CEP170B: variants seen among roughly 807,000 people sequenced by gnomAD.
The protein encoded by CEP170B is centrosomal protein of 170 kDa protein B.
In CEP170B, 55 loss-of-function variants were observed where a neutral mutation model predicts 120.6. That is an observed-to-expected ratio of 0.46 (90% CI 0.37 to 0.57). The LOEUF (loss-of-function observed/expected upper bound fraction) is 0.57. Ranked by LOEUF, CEP170B falls within the 20% of genes least tolerant of loss-of-function variation. The pLI is 0.00. For missense variants in CEP170B, 2,212 were observed against 2,253.3 expected, an observed-to-expected ratio of 0.98 and a Z score of 0.37; for synonymous variants, 1,033 against 954.5, an observed-to-expected ratio of 1.08 and a Z score of -1.52.
rs942516141 is a variant in CEP170B at position 104,887,992 on chromosome 14, C to T, written c.3739+14C>T. The T allele has an allele frequency of 2.2e-5, 32 of 1,471,146 alleles. No individual in the cohort carries two copies. The highest frequency in any genetic ancestry group is 1.9e-4 in the Middle Eastern group (1 of 5,260). 91.1% of individuals were successfully genotyped at this position (1,471,146 alleles called of 1,614,324 possible). A position where few individuals can be genotyped will look rare whatever the true frequency, so the allele number is the denominator to read the frequency against. The stretch of plus-strand genomic sequence containing the variant: ...GATACACCTCCAGTGAGTGCCAGGG[C>T]GGGTGGGAGGCCAGGGCCAAGACAG... On this transcript the variant is annotated intron_variant, in intron 12 of 18. Transcript: ENST00000414716.
In CEP170B at chr14:104,883,198, G is replaced by A; in HGVS notation, c.741G>A (p.Met247Ile). Reference protein sequence around the residue: ...SQPPEVPAHEMPTKDAEAGGG... With the variant: ...SQPPEVPAHEIPTKDAEAGGG... ...CCCCCGAGGTGCCGGCACACGAGATGCCCACGAAGGATGCAGAGGCAGGTG... is the reference window on the plus strand; with the variant it reads ...CCCCCGAGGTGCCGGCACACGAGATACCCACGAAGGATGCAGAGGCAGGTG... Residue 247 changes from methionine (M) to isoleucine (I), a missense_variant, in exon 8 of 19, where the codon ATG becomes ATA. Met to Ile is a conservative substitution (Grantham distance 10, BLOSUM62 1). This residue lies in a region of CEP170B where 2,166 missense variants were observed against 2,166.7 expected (regional missense o/e 1.00). Coordinates refer to ENST00000414716, the MANE Select transcript of CEP170B (RefSeq NM_001112726.3). 1.2e-6 allele frequency: 2 copies of A among 1,610,750 alleles called. No individual in the cohort carries two copies. The highest frequency in any genetic ancestry group is 1.7e-6 in the Non-Finnish European group (2 of 1,179,304).
chr14:104,892,448 C>T (rs1826622313), intron 13 of CEP170B, among the ~76,000 whole-genome samples: 1 of 133,100 alleles, frequency 7.5e-6, no homozygotes, highest in Non-Finnish European at 1.6e-5. Context: ...TGGATCTGCC[C>T]AGCCCCACCC....
At chr14:104,876,699 A>G (rs974743643) in intron 3 of CEP170B, among the ~76,000 whole-genome samples, 6 of 152,174 alleles carry the variant, frequency 3.9e-5, no homozygotes, top group South Asian at 2.1e-4. Flanking sequence ...CAGGCCGCCA[A>G]GGATCAGGCT....
intron 6 of CEP170B, 77 bp from the exon 7 acceptor site, chr14:104,882,651 T>C: frequency 4.1e-6 from 5 of 1,228,042 alleles, no homozygotes; most frequent in Non-Finnish European, 3.4e-6. Context: ...GTCCAGCCTC[T>C]CCTGGGCTGC....
In CEP170B at chr14:104,887,369, C is replaced by T. The variant is rs374507126; in HGVS notation, c.3130C>T (p.Pro1044Ser). ...GHRPRGSLDW[P>S]SEERGPVLAH... ...CAGGCCCCGAGGGTCCCTGGATTGG[C>T]CCAGTGAGGAGCGTGGCCCTGTCCT... is the stretch of plus-strand genomic sequence containing the variant. Residue 1044 changes from proline (P) to serine (S), a missense_variant, in exon 12 of 19, where the codon CCC becomes TCC. Around this residue, in one of 2 missense-constraint regions of CEP170B, gnomAD observed 2,166 missense variants for 2,166.7 expected, o/e 1.00. Coordinates refer to ENST00000414716, the MANE Select transcript of CEP170B (RefSeq NM_001112726.3). 3 of 1,611,988 alleles carry T rather than the reference C, an allele frequency of 1.9e-6. No homozygotes were observed. Among genetic ancestry groups the T allele is most frequent in the Non-Finnish European group, 2.5e-6 (3 of 1,179,604 alleles).
At position 104,887,681 on chromosome 14, in the gene CEP170B, G is replaced by A; in HGVS notation, c.3442G>A (p.Gly1148Ser). ...EAADGERGSL[G>S]NPEPVGRPAA... ...TGCGGATGGTGAGCGGGGGTCCCTG[G>A]GCAACCCTGAGCCCGTGGGCCGGCC... Residue 1148 changes from glycine to serine, a missense_variant, in exon 12 of 19, where the codon GGC becomes AGC. Coordinates refer to ENST00000414716, the MANE Select transcript of CEP170B (RefSeq NM_001112726.3). 1 of 1,578,996 alleles carries A rather than the reference G, an allele frequency of 6.3e-7. No homozygotes were observed. The highest frequency in any genetic ancestry group is 8.6e-7 in the Non-Finnish European group (1 of 1,164,854).
At position 104,894,288 on chromosome 14, in the gene CEP170B, C is replaced by T. The variant is rs772711013; in HGVS notation, c.4275C>T (p.Ile1425=). Residue 1425 remains isoleucine (I), a synonymous_variant, in exon 17 of 19, where the codon ATC becomes ATT. Coordinates refer to ENST00000414716, the MANE Select transcript of CEP170B (RefSeq NM_001112726.3). The part of the protein sequence containing the change: ...NTEHLAEKMK[I]LFQNTGRAWE... ...TGCCTCCCCCTACCTCGGACAGGATCCTCTTTCAGAACACAGGGAGAGCTT... is the reference window on the plus strand; with the variant it reads ...TGCCTCCCCCTACCTCGGACAGGATTCTCTTTCAGAACACAGGGAGAGCTT... 1 of 1,612,860 alleles carries T rather than the reference C, an allele frequency of 6.2e-7. No individual in the cohort carries two copies. The highest frequency in any genetic ancestry group is 1.7e-5 in the Admixed American group (1 of 60,022).
At chr14:104,894,462 C>A in intron 17 of CEP170B, 75 bp from the exon 18 acceptor site, 1 of 1,605,440 alleles carries the variant, frequency 6.2e-7, no homozygotes, top group South Asian at 1.1e-5. Flanking sequence ...GTCCCAGCTC[C>A]TGCACACAGA....
chr14:104,876,421 C>G lies in CEP170B; in HGVS notation c.195+76C>G. On this transcript the variant is annotated intron_variant, in intron 3 of 18. Transcript: ENST00000414716. ...CCTGGCCCCTCCCTCTCAGTTCTGG[C>G]TCCTCCCCCAGTCATAGCCCCTCCC... 2.9e-6 allele frequency: 4 copies of G among 1,387,534 alleles called. No individual in the cohort carries two copies. The South Asian group carries it at 5.0e-5, about 17-fold the overall frequency. The allele number at this position is 1,387,534 out of a possible 1,614,324, so 86.0% of individuals were successfully genotyped here. A position where few individuals can be genotyped will look rare whatever the true frequency, so the allele number is the denominator to read the frequency against.
At chr14:104,877,207 C>T (rs570579547) in intron 3 of CEP170B, among the ~76,000 whole-genome samples, 2 of 152,330 alleles carry the variant, frequency 1.3e-5, no homozygotes, top group African/African-American at 4.8e-5. Context: ...GATGAAGCGG[C>T]TGTCCCTGAA....
chr14:104,889,421 C>T, intron 12 of CEP170B, 199 bp from the exon 13 acceptor site: 1 of 1,394,746 alleles, frequency 7.2e-7, no homozygotes, highest in Non-Finnish European at 9.5e-7. Context: ...CCCTGCAGCA[C>T]TGAGCCCTCT....
At position 104,880,950 on chromosome 14, in the gene CEP170B, C is replaced by T. The variant is rs1185250507; in HGVS notation, c.472+525C>T. The stretch of plus-strand genomic sequence containing the variant: ...CACTGCTCACCCCTGTGCACACCTA[C>T]CTGTGCACGCCTGCACCCCTTGAGC... On this transcript the variant is annotated intron_variant, in intron 6 of 18. Coordinates refer to ENST00000414716, the MANE Select transcript of CEP170B (RefSeq NM_001112726.3). Among the ~76,000 whole-genome samples, 5 of 152,230 alleles carry T rather than the reference C, an allele frequency of 3.3e-5. No individual in the cohort carries two copies. The East Asian group carries it at 9.6e-4, about 29-fold the overall frequency.
intron 18 of CEP170B, 33 bp downstream of exon 18, chr14:104,894,621 A>G (rs1896998001): frequency 4.4e-6 from 7 of 1,604,722 alleles, no homozygotes; most frequent in South Asian, 1.1e-5. Context: ...GCAGCAAGGG[A>G]GGCTGGCAGG....
In CEP170B at chr14:104,886,118, C is replaced by T; in HGVS notation, c.2023C>T (p.Pro675Ser). ...WASLADSYSD[P>S]GLTEDGLGRR... ...CAGCCTGGCTGACAGCTACTCAGAC[C>T]CGGGCCTCACAGGTAAGTGGCTCCA... The change falls in exon 11 of 19, where the codon CCG (proline) becomes TCG (serine). Residue 675 changes from proline to serine, a missense_variant. Coordinates refer to ENST00000414716, the MANE Select transcript of CEP170B (RefSeq NM_001112726.3). 1 of 1,541,610 alleles carries T rather than the reference C, an allele frequency of 6.5e-7. No individual in the cohort carries two copies. Among genetic ancestry groups the T allele is most frequent in the African/African-American group, 1.4e-5 (1 of 73,092 alleles).
chr14:104,882,368 C>G (rs547771722), intron 6 of CEP170B, among the ~76,000 whole-genome samples: 1 of 152,112 alleles, frequency 6.6e-6, no homozygotes, highest in Admixed American at 6.5e-5. Context: ...TCGGGAAGGC[C>G]GGGGCAGGGT....
chr14:104,882,550 G>A (rs548571868), intron 6 of CEP170B, among the ~76,000 whole-genome samples, 178 bp from the exon 7 acceptor site: 7 of 152,154 alleles, frequency 4.6e-5, no homozygotes, highest in African/African-American at 1.2e-4. Flanking sequence ...GAGCCACCTC[G>A]GAACTCAAGG....
rs1431273989 is a variant in CEP170B, at chr14:104,886,537, G to A, written c.2298G>A (p.Gln766=). 3 of 1,510,638 alleles carry A rather than the reference G, an allele frequency of 2.0e-6. No homozygotes were observed. The highest frequency in any genetic ancestry group is 2.6e-6 in the Non-Finnish European group (3 of 1,133,090). The allele number at this position is 1,510,638 out of a possible 1,614,324, so 93.6% of individuals were successfully genotyped here. Residue 766 remains glutamine (Q), a synonymous_variant, in exon 12 of 19, where the codon CAG becomes CAA. Coordinates refer to ENST00000414716, the MANE Select transcript of CEP170B (RefSeq NM_001112726.3). ...GRGPEPGVEP[Q]DSRRRSPQEG... ...GCCCCGAGCCAGGGGTGGAGCCACAGGACAGCAGACGCAGGAGCCCCCAGG... is the reference window on the plus strand; with the variant it reads ...GCCCCGAGCCAGGGGTGGAGCCACAAGACAGCAGACGCAGGAGCCCCCAGG...
At position 104,886,645 on chromosome 14, in the gene CEP170B, G is replaced by T. The variant is rs764565595; in HGVS notation, c.2406G>T (p.Gln802His). Residue 802 changes from glutamine (Q) to histidine (H), a missense_variant, in exon 12 of 19, where the codon CAG becomes CAT. Physicochemically the swap from Gln to His is conservative, Grantham distance 24. Coordinates refer to ENST00000414716, the MANE Select transcript of CEP170B (RefSeq NM_001112726.3). ...CCGCCTCTTTCTTCATTGGGGACCA[G>T]AATGGGGACGCTGTGTTATCTAGGA... Reference protein sequence around the residue: ...PTPASFFIGDQNGDAVLSRKP... With the variant: ...PTPASFFIGDHNGDAVLSRKP... 6.5e-7 allele frequency: 1 copy of T among 1,529,746 alleles called. No homozygotes were observed. The highest frequency in any genetic ancestry group is 1.3e-5 in the South Asian group (1 of 76,520). The allele number at this position is 1,529,746 out of a possible 1,614,324, so 94.8% of individuals were successfully genotyped here.
rs767016719 is a variant in CEP170B at position 104,883,958 on chromosome 14, C to A, written c.1179C>A (p.Asp393Glu). 1.9e-6 allele frequency: 3 copies of A among 1,608,026 alleles called. No homozygotes were observed. The highest frequency in any genetic ancestry group is 2.7e-5 in the African/African-American group (2 of 74,884). The part of the protein sequence containing the change: ...QVRLQRQIKR[D>E]PQELLHNQQA... ...GGCTGCAGAGGCAGATCAAGCGGGACCCCCAGGAGCTACTACATAACCAGC... is the reference window on the plus strand; with the variant it reads ...GGCTGCAGAGGCAGATCAAGCGGGAACCCCAGGAGCTACTACATAACCAGC... The change falls in exon 9 of 19, where the codon GAC (aspartate) becomes GAA (glutamate). Residue 393 changes from aspartate to glutamate, a missense_variant. Around this residue, in one of 2 missense-constraint regions of CEP170B, gnomAD observed 2,166 missense variants for 2,166.7 expected, o/e 1.00. Transcript: ENST00000414716.
Sources: gnomAD v4.1 joint callset for allele counts (sites outside exome capture counted in the v4.1 genomes callset) on GRCh38, gnomAD v4.1.1 for gene constraint, gnomAD v4.1.1 regional missense constraint, MANE v1.5 for transcripts, NCBI Gene and HGNC (gene_info 2026-07-23, HGNC 2026-07-21) for gene names.